The following OPA1 variants were observed in gnomAD, a reference collection of about 807,000 sequenced individuals.
OPA1 encodes OPA1 mitochondrial dynamin like GTPase, also known as dynamin-like GTPase OPA1, mitochondrial.
Under a neutral mutation model 152.9 loss-of-function variants are expected in OPA1, and 59 were observed. The ratio of observed to expected loss-of-function variants is 0.39; its 90% CI spans 0.31 to 0.48. The LOEUF is 0.48. Among genes scored for constraint, OPA1 ranks in the 20% least tolerant of loss-of-function variants. The probability of loss-of-function intolerance (pLI) is 0.96; values close to 1 mark genes in which losing one functional copy is unlikely to be tolerated. For missense variants in OPA1, 1,008 were observed against 1,216.8 expected (o/e 0.83, Z 2.55); for synonymous variants, 400 against 389.9 (o/e 1.03, Z -0.31).
intron 29 of OPA1, among the ~76,000 whole-genome samples, chr3:193,675,395 G>A (rs546994777): frequency 1.1e-4 from 16 of 150,096 alleles, no homozygotes; most frequent in Non-Finnish European, 1.2e-4. Context: ...AAGAGAACGT[G>A]TGAGCTCGAA....
chr3:193,609,970 C>A (rs1727938498), intron 1 of OPA1, among the ~76,000 whole-genome samples: 2 of 152,168 alleles, frequency 1.3e-5, no homozygotes, highest in South Asian at 4.1e-4. Context: ...AACTTCTTTG[C>A]CATGGGTTCG....
intron 14 of OPA1, 39 bp downstream of exon 14, chr3:193,643,483 T>C (rs780190612): frequency 5.6e-6 from 9 of 1,605,402 alleles, no homozygotes; most frequent in Middle Eastern, 1.7e-4. Context: ...TTTATTCTTA[T>C]TGTGTGAAGC....
chr3:193,658,963 T>C lies in OPA1; in HGVS notation c.2408T>C (p.Met803Thr). The change falls in exon 24 of 31, where the codon ATG (methionine) becomes ACG (threonine). Residue 803 changes from methionine (M) to threonine (T), a missense_variant. This residue lies in a region of OPA1 where 229 missense variants were observed against 269.0 expected (regional missense o/e 0.85). Transcript: ENST00000361510. Reference protein sequence around the residue: ...KQQWDAAIYFMEEALQARLKD... With the variant: ...KQQWDAAIYFTEEALQARLKD... The stretch of plus-strand genomic sequence containing the variant: ...CAATGGGATGCAGCTATTTATTTTA[T>C]GGAAGAGGCTCTGCAGGCTCGTCTC... 1 of 1,613,834 alleles carries C rather than the reference T, an allele frequency of 6.2e-7. No homozygotes were observed. Among genetic ancestry groups the C allele is most frequent in the Non-Finnish European group, 8.5e-7 (1 of 1,179,740 alleles).
intron 1 of OPA1, among the ~76,000 whole-genome samples, chr3:193,602,327 G>A (rs555536271): frequency 6.6e-6 from 1 of 152,202 alleles, no homozygotes; most frequent in Admixed American, 6.5e-5. Flanking sequence ...ATCCAACGAG[G>A]TTCAAGAGTG....
At chr3:193,663,824 A>T (rs1436297958) in intron 26 of OPA1, among the ~76,000 whole-genome samples, 1 of 152,174 alleles carries the variant, frequency 6.6e-6, no homozygotes, top group Non-Finnish European at 1.5e-5. Flanking sequence ...AGTTATATAC[A>T]TCTAGCATTA....
In OPA1 at chr3:193,615,085, A is replaced by T. The variant is rs748470251; in HGVS notation, c.351+44A>T. On this transcript the variant is annotated intron_variant, in intron 2 of 30. Coordinates refer to ENST00000361510, the MANE Select transcript of OPA1 (RefSeq NM_130837.3). The stretch of plus-strand genomic sequence containing the variant: ...CTGGTTTTCCAATTATTATATCATG[A>T]TTAAGTTTCTATAGCATAAATCATT... 4 of 1,431,356 alleles carry T rather than the reference A, an allele frequency of 2.8e-6. No homozygotes were observed. The East Asian group carries it at 9.1e-5, about 33-fold the overall frequency. 88.7% of individuals were successfully genotyped at this position (1,431,356 alleles called of 1,614,324 possible).
chr3:193,667,414 T>C, intron 29 of OPA1, 134 bp downstream of exon 29: 1 of 701,552 alleles, frequency 1.4e-6, no homozygotes, highest in Non-Finnish European at 2.7e-6. Flanking sequence ...CTCACGCTTG[T>C]AATCCCAGCA....
chr3:193,657,512 T>A (rs971671709), intron 23 of OPA1, among the ~76,000 whole-genome samples: 2 of 152,200 alleles, frequency 1.3e-5, no homozygotes, highest in African/African-American at 4.8e-5. Flanking sequence ...CTGTTAGCCA[T>A]TTTATGGGCC....
chr3:193,613,854 A>G (rs1486886123), intron 1 of OPA1: 2 of 506,986 alleles, frequency 3.9e-6, no homozygotes, highest in East Asian at 1.1e-4. Context: ...CTGGGATTAC[A>G]GGTGTGAGCC....
intron 11 of OPA1, among the ~76,000 whole-genome samples, chr3:193,639,488 A>T (rs1733430092): frequency 6.6e-6 from 1 of 152,176 alleles, no homozygotes; most frequent in Non-Finnish European, 1.5e-5. Flanking sequence ...AGAATAGCTG[A>T]TGCAAAGCCT....
At chr3:193,669,399 A>T (rs1242494846) in intron 29 of OPA1, among the ~76,000 whole-genome samples, 1 of 152,180 alleles carries the variant, frequency 6.6e-6, no homozygotes, top group Non-Finnish European at 1.5e-5. Context: ...CAATGTAGTT[A>T]AGTTTGTGCT....
intron 1 of OPA1, among the ~76,000 whole-genome samples, chr3:193,611,220 G>A (rs1728184570): frequency 6.6e-6 from 1 of 152,170 alleles, no homozygotes; most frequent in South Asian, 2.1e-4. Context: ...GGTCCCTTTG[G>A]TTCCTGGTCC....
At chr3:193,611,839 TC>T (rs1403215189) in intron 1 of OPA1, among the ~76,000 whole-genome samples, 2 of 121,520 alleles carry the variant, frequency 1.6e-5, no homozygotes, top group African/African-American at 5.9e-5. Context: ...GTTCATCTTT[TC>T]TTTTCTTTTT....
intron 1 of OPA1, among the ~76,000 whole-genome samples, chr3:193,605,939 A>G (rs1727192653): frequency 6.6e-6 from 1 of 152,168 alleles, no homozygotes; most frequent in Non-Finnish European, 1.5e-5. Context: ...TGGTATCCAT[A>G]AGGACTATAC....
chr3:193,628,993 G>T (rs1401229044), intron 7 of OPA1, among the ~76,000 whole-genome samples: 2 of 151,912 alleles, frequency 1.3e-5, no homozygotes, highest in African/African-American at 4.8e-5. Flanking sequence ...AGCTCACTGC[G>T]ACCTCTGCCT....
intron 29 of OPA1, among the ~76,000 whole-genome samples, chr3:193,685,467 T>C (rs1720815297): frequency 6.6e-6 from 1 of 152,204 alleles, no homozygotes; most frequent in South Asian, 2.1e-4. Flanking sequence ...TCACCTTTAA[T>C]GATTAAGTAT....
Position 193,593,266 on chromosome 3 carries a change from T to G in OPA1, c.-112T>G. The G allele has an allele frequency of 8.8e-7, 1 of 1,138,190 alleles. No homozygotes were observed. The highest frequency in any genetic ancestry group is 2.9e-5 in the East Asian group (1 of 34,784). 70.5% of individuals were successfully genotyped at this position (1,138,190 alleles called of 1,614,324 possible). ...GGCCTCGGCCGCGGCTCTGTGCCCT[T>G]GCTGCTGAGGGCCACTTCCTGGGTC... is the stretch of plus-strand genomic sequence containing the variant. On this transcript the variant is annotated 5_prime_UTR_variant, in exon 1 of 31. Transcript: ENST00000361510.
At chr3:193,664,746 CTA>C (rs1413451883) in intron 26 of OPA1, 132 bp from the exon 27 acceptor site, 5 of 629,456 alleles carry the variant, frequency 7.9e-6, no homozygotes, top group African/African-American at 3.7e-5. Context: ...ATTTGAATAA[CTA>C]TGTAAAGAAT....
chr3:193,609,729 G>A (rs904376451), intron 1 of OPA1, among the ~76,000 whole-genome samples: 10 of 152,166 alleles, frequency 6.6e-5, no homozygotes, highest in African/African-American at 2.4e-4. Context: ...TGGAGGCTTT[G>A]TTCGTTTCTT....
Sources: allele counts gnomAD v4.1 joint callset (sites outside exome capture counted in the v4.1 genomes callset), GRCh38; gene constraint gnomAD v4.1.1; regional missense constraint gnomAD v4.1.1; transcripts MANE v1.5; gene names NCBI Gene and HGNC (gene_info 2026-07-23, HGNC 2026-07-21).